The following CCL28 variants were observed in gnomAD, a reference collection of about 807,000 sequenced individuals.
The protein encoded by CCL28 is C-C motif chemokine ligand 28.
A neutral mutation model predicts 7.1 loss-of-function variants in CCL28; 4 were observed. That is an observed-to-expected ratio of 0.56 (90% CI 0.28 to 1.29). The LOEUF (loss-of-function observed/expected upper bound fraction) is 1.29. CCL28 is among the 50% of genes most tolerant of loss of function. CCL28 has a pLI of 0.11. For synonymous variants in CCL28, 55 were observed against 57.8 expected, an observed-to-expected ratio of 0.95 and a Z score of 0.22; for missense variants, 151 against 163.4, an observed-to-expected ratio of 0.92 and a Z score of 0.41.
intron 2 of CCL28, chr5:43,388,145 G>A (rs1740416014): frequency 1.8e-6 from 1 of 546,840 alleles, no homozygotes; most frequent in Non-Finnish European, 3.1e-6. Flanking sequence ...GTGCTGGTAT[G>A]GGGCTCAGGA....
At chr5:43,400,406 G>A (rs1024140870) in intron 1 of CCL28, among the ~76,000 whole-genome samples, 5 of 151,926 alleles carry the variant, frequency 3.3e-5, no homozygotes, top group East Asian at 3.9e-4. Flanking sequence ...GGCAGGTCTC[G>A]AACTCCTGGA....
downstream of CCL28, among the ~76,000 whole-genome samples, chr5:43,374,089 G>C (rs2111643879): frequency 6.6e-6 from 1 of 152,344 alleles, no homozygotes; most frequent in East Asian, 1.9e-4. Flanking sequence ...CATCTCAAGA[G>C]TGCATGACTG....
At chr5:43,406,490 A>G (rs1401936353) in intron 1 of CCL28, among the ~76,000 whole-genome samples, 1 of 152,196 alleles carries the variant, frequency 6.6e-6, no homozygotes, top group Admixed American at 6.5e-5. Flanking sequence ...TATTGATGGG[A>G]CGTATCTCCA....
Position 43,381,745 on chromosome 5 carries a change from A to T in CCL28, c.*115T>A. On this transcript the variant is annotated 3_prime_UTR_variant, in exon 3 of 3. Coordinates refer to ENST00000361115, the MANE Select transcript of CCL28 (RefSeq NM_148672.3). ...CACAATTGTTCATTTTTTAAAAACC[A>T]ATATTTTGTTTTGTTCTGTTGTCTA... 1.2e-6 allele frequency: 1 copy of T among 866,726 alleles called. No homozygotes were observed. The highest frequency in any genetic ancestry group is 1.8e-6 in the Non-Finnish European group (1 of 552,800). 53.7% of individuals were successfully genotyped at this position (866,726 alleles called of 1,614,324 possible). A position where few individuals can be genotyped will look rare whatever the true frequency, so the allele number is the denominator to read the frequency against.
At chr5:43,387,112 GT>G (rs1740370032) in intron 2 of CCL28, among the ~76,000 whole-genome samples, 1 of 152,234 alleles carries the variant, frequency 6.6e-6, no homozygotes, top group African/African-American at 2.4e-5. Context: ...CACAAATGGT[GT>G]TAAAACCAGC....
At chr5:43,394,841 G>A (rs970862259) in intron 1 of CCL28, among the ~76,000 whole-genome samples, 20 of 151,936 alleles carry the variant, frequency 1.3e-4, no homozygotes, top group Admixed American at 3.3e-4. Context: ...AAATTGCTGC[G>A]GTGGATTAAT....
chr5:43,390,625 T>A (rs1193472180), intron 1 of CCL28, among the ~76,000 whole-genome samples: 5 of 152,268 alleles, frequency 3.3e-5, no homozygotes, highest in African/African-American at 4.8e-5. Context: ...CAACCACCAG[T>A]GGGTTTCAAA....
At chr5:43,382,545 G>C (rs1255278696) in intron 2 of CCL28, among the ~76,000 whole-genome samples, 2 of 152,172 alleles carry the variant, frequency 1.3e-5, no homozygotes, top group Non-Finnish European at 2.9e-5. Context: ...CACGGTGAGA[G>C]TTATCTCTTT....
At position 43,412,301 on chromosome 5, in the gene CCL28, G is replaced by A; in HGVS notation, c.16C>T (p.Leu6Phe). The change falls in exon 1 of 3, where the codon CTC (leucine) becomes TTC (phenylalanine). Residue 6 changes from leucine to phenylalanine, a missense_variant. Physicochemically the swap from Leu to Phe is conservative, Grantham distance 22. Coordinates refer to ENST00000361115, the MANE Select transcript of CCL28 (RefSeq NM_148672.3). ...CAGACAGCCAAGGCCACGATGGCGA[G>A]TCCTCTCTGCTGCATTCCTGCCTGC... MQQRG[L>F]AIVALAVCAA... 6.2e-7 allele frequency: 1 copy of A among 1,612,988 alleles called. No individual in the cohort carries two copies. Among genetic ancestry groups the A allele is most frequent in the Non-Finnish European group, 8.5e-7 (1 of 1,179,500 alleles).
At chr5:43,408,893 CT>C (rs35098260) in intron 1 of CCL28, among the ~76,000 whole-genome samples, 1,909 of 141,846 alleles carry the variant, frequency 0.013, 33 homozygotes, top group East Asian at 0.083. Flanking sequence ...TAATTTTTTA[CT>C]TTTTTTTTTT....
At chr5:43,366,637 G>C in the CCL28 span, among the ~76,000 whole-genome samples, 8 of 152,232 alleles carry the variant, frequency 5.3e-5, no homozygotes, top group Admixed American at 2.6e-4. Flanking sequence ...GGACCCACTT[G>C]AGAAGGCAGT....
At chr5:43,357,692 A>G in the CCL28 span, among the ~76,000 whole-genome samples, 2 of 152,178 alleles carry the variant, frequency 1.3e-5, no homozygotes, top group South Asian at 2.1e-4. Context: ...AGGGGGGGAA[A>G]AAAAAGGGAA....
chr5:43,388,607 C>T lies in CCL28; in HGVS notation c.65-131G>A, dbSNP rs960156277. The T allele has an allele frequency of 3.6e-6, 3 of 828,818 alleles. No individual in the cohort carries two copies. In the African/African-American group the frequency reaches 5.2e-5, roughly 14 times the overall value. The allele number at this position is 828,818 out of a possible 1,614,324, so 51.3% of individuals were successfully genotyped here. A position where few individuals can be genotyped will look rare whatever the true frequency, so the allele number is the denominator to read the frequency against. On this transcript the variant is annotated intron_variant, in intron 1 of 2. Coordinates refer to ENST00000361115, the MANE Select transcript of CCL28 (RefSeq NM_148672.3). ...AGGGGCAAACATGGCTTTGTGAATA[C>T]AGACTTGGGGCAGGACATGTTCCCA...
chr5:43,360,899 G>A, the CCL28 span, among the ~76,000 whole-genome samples: 2 of 152,046 alleles, frequency 1.3e-5, no homozygotes, highest in Admixed American at 1.3e-4. Context: ...CACATGCCAT[G>A]GTGGTTTGAT....
chr5:43,401,663 A>T (rs986982325), intron 1 of CCL28, among the ~76,000 whole-genome samples: 1 of 152,246 alleles, frequency 6.6e-6, no homozygotes, highest in Non-Finnish European at 1.5e-5. Flanking sequence ...CACTCAATAA[A>T]TGGAAACAAA....
At chr5:43,359,347 T>C in the CCL28 span, among the ~76,000 whole-genome samples, 2 of 152,202 alleles carry the variant, frequency 1.3e-5, no homozygotes, top group African/African-American at 2.4e-5. Context: ...GTACTCTTTA[T>C]GGGAAACAAA....
chr5:43,368,387 C>G, the CCL28 span, among the ~76,000 whole-genome samples: 1 of 152,162 alleles, frequency 6.6e-6, no homozygotes, highest in Admixed American at 6.6e-5. Context: ...AGGTGGCCAC[C>G]AGCTAAGAAC....
chr5:43,375,707 T>G (rs1739876580), downstream of CCL28, among the ~76,000 whole-genome samples: 1 of 152,050 alleles, frequency 6.6e-6, no homozygotes, highest in Non-Finnish European at 1.5e-5. Flanking sequence ...ATAAAGAACT[T>G]GGGGCCGGGG....
intron 1 of CCL28, among the ~76,000 whole-genome samples, chr5:43,399,016 T>C (rs552041910): frequency 6.6e-6 from 1 of 152,218 alleles, no homozygotes; most frequent in African/African-American, 2.4e-5. Context: ...AATGTGTTTT[T>C]TTAGCTCTAC....
Sources: gnomAD v4.1 joint callset for allele counts (sites outside exome capture counted in the v4.1 genomes callset) on GRCh38, gnomAD v4.1.1 for gene constraint, MANE v1.5 for transcripts, NCBI Gene and HGNC (gene_info 2026-07-23, HGNC 2026-07-21) for gene names.